The following PDE4B variants were observed in gnomAD, a reference collection of about 807,000 sequenced individuals.
The protein encoded by PDE4B is 3',5'-cyclic-AMP phosphodiesterase 4B.
Under a neutral mutation model 82.2 loss-of-function variants are expected in PDE4B, and 20 were observed. The ratio of observed to expected loss-of-function variants is 0.24; its 90% CI spans 0.17 to 0.35. The LOEUF (loss-of-function observed/expected upper bound fraction) is 0.35, where lower values mean the gene tolerates loss of function less well. Among genes scored for constraint, PDE4B ranks in the 10% least tolerant of loss-of-function variants. The pLI is 1.00. For synonymous variants in PDE4B, 320 were observed against 318.9 expected, an observed-to-expected ratio of 1.00 and a Z score of -0.04; for missense variants, 655 against 907.2, an observed-to-expected ratio of 0.72 and a Z score of 3.57.
chr1:66,283,527 C>G (rs913924233), intron 7 of PDE4B, among the ~76,000 whole-genome samples: 6 of 150,248 alleles, frequency 4.0e-5, no homozygotes, highest in Middle Eastern at 6.8e-3. Context: ...GCAAAGCCCT[C>G]TGATGGATCC....
intron 7 of PDE4B, among the ~76,000 whole-genome samples, chr1:66,299,935 G>A (rs1249918319): frequency 6.6e-6 from 1 of 151,952 alleles, no homozygotes; most frequent in Non-Finnish European, 1.5e-5. Flanking sequence ...TTTCATTATA[G>A]AATGTAAATA....
chr1:66,149,075 T>C (rs992048397), intron 3 of PDE4B, among the ~76,000 whole-genome samples: 2 of 152,210 alleles, frequency 1.3e-5, no homozygotes, highest in African/African-American at 4.8e-5. Context: ...AGGTGTACCG[T>C]TTTTCAATCC....
intron 1 of PDE4B, among the ~76,000 whole-genome samples, chr1:65,850,392 G>A (rs1303252357): frequency 2.6e-5 from 4 of 152,016 alleles, no homozygotes; most frequent in African/African-American, 7.2e-5. Context: ...CACTGTGCCC[G>A]GCCTGCTCTG....
At chr1:66,064,973 G>A (rs773676108) in intron 3 of PDE4B, among the ~76,000 whole-genome samples, 5 of 151,494 alleles carry the variant, frequency 3.3e-5, no homozygotes, top group East Asian at 1.9e-4. Context: ...TAAAAATTTC[G>A]TTACTTTTAA....
chr1:65,819,775 G>A (rs72933404), intron 1 of PDE4B, among the ~76,000 whole-genome samples: 2,496 of 152,056 alleles, frequency 0.016, 67 homozygotes, highest in African/African-American at 0.057. Flanking sequence ...CTGAGTCACC[G>A]CGCCTGGCAT....
intron 1 of PDE4B, among the ~76,000 whole-genome samples, chr1:65,892,704 A>T (rs559007486): frequency 6.6e-6 from 1 of 152,022 alleles, no homozygotes; most frequent in South Asian, 2.1e-4. Flanking sequence ...CCTGTACATC[A>T]GCTCTTTCTT....
intron 3 of PDE4B, among the ~76,000 whole-genome samples, chr1:66,096,274 C>T (rs912750543): frequency 6.6e-6 from 1 of 151,376 alleles, no homozygotes; most frequent in Non-Finnish European, 1.5e-5. Flanking sequence ...CAGTTTTTAA[C>T]TTTCTGTTCC....
At chr1:66,264,540 C>T (rs1654898591) in intron 6 of PDE4B, among the ~76,000 whole-genome samples, 1 of 152,192 alleles carries the variant, frequency 6.6e-6, no homozygotes, top group Non-Finnish European at 1.5e-5. Context: ...AAAGCAATCA[C>T]TATATGATAA....
At chr1:66,350,811 T>G (rs1302783736) in intron 8 of PDE4B, among the ~76,000 whole-genome samples, 1 of 152,166 alleles carries the variant, frequency 6.6e-6, no homozygotes, top group Non-Finnish European at 1.5e-5. Flanking sequence ...TCCTATCACT[T>G]CAGAAGAAAC....
At chr1:65,860,292 G>A (rs1203392110) in intron 1 of PDE4B, among the ~76,000 whole-genome samples, 1 of 152,200 alleles carries the variant, frequency 6.6e-6, no homozygotes, top group Non-Finnish European at 1.5e-5. Context: ...GTGAGAACAT[G>A]CAGTGTTTAG....
intron 3 of PDE4B, among the ~76,000 whole-genome samples, chr1:66,107,202 A>G (rs3003666): frequency 0.49 from 74,214 of 150,990 alleles, 18,692 homozygotes; most frequent in East Asian, 0.67. Flanking sequence ...TGTACCCAGT[A>G]GTCATTCAGG....
At chr1:66,344,104 G>A (rs1661219709) in intron 8 of PDE4B, among the ~76,000 whole-genome samples, 1 of 152,186 alleles carries the variant, frequency 6.6e-6, no homozygotes, top group Non-Finnish European at 1.5e-5. Context: ...CCCAATGCCT[G>A]TAGCCTTGTC....
chr1:66,346,553 G>C (rs375561905), intron 8 of PDE4B, among the ~76,000 whole-genome samples: 16 of 152,272 alleles, frequency 1.1e-4, no homozygotes, highest in African/African-American at 3.6e-4. Flanking sequence ...CCTTAGACTG[G>C]TGAATAATCT....
At chr1:65,807,847 G>A (rs1645774475) in intron 1 of PDE4B, among the ~76,000 whole-genome samples, 1 of 152,144 alleles carries the variant, frequency 6.6e-6, no homozygotes, top group Non-Finnish European at 1.5e-5. Flanking sequence ...GTCAGTAGAA[G>A]GTATCTGTCA....
chr1:66,158,821 A>G (rs1360487709), intron 3 of PDE4B, among the ~76,000 whole-genome samples: 2 of 152,154 alleles, frequency 1.3e-5, no homozygotes, highest in Admixed American at 1.3e-4. Flanking sequence ...ACATTATGTT[A>G]AGTGAAATAA....
At chr1:66,368,641 A>T (rs1465269588) in intron 15 of PDE4B, 146 bp from the exon 16 acceptor site, 2 of 504,950 alleles carry the variant, frequency 4.0e-6, no homozygotes, top group East Asian at 6.9e-5. Flanking sequence ...TTGTAATTCC[A>T]TTTTTTTTCG....
chr1:66,261,195 A>G (rs1557665294), intron 6 of PDE4B, among the ~76,000 whole-genome samples: 1 of 152,198 alleles, frequency 6.6e-6, no homozygotes. Flanking sequence ...GCAGTCTGGC[A>G]GGGGCAGGCT....
At chr1:66,286,430 G>A (rs1462413195) in intron 7 of PDE4B, among the ~76,000 whole-genome samples, 1 of 152,076 alleles carries the variant, frequency 6.6e-6, no homozygotes, top group African/African-American at 2.4e-5. Flanking sequence ...ATTTAATGGG[G>A]TTTTTCCTGC....
intron 3 of PDE4B, among the ~76,000 whole-genome samples, chr1:65,998,250 G>A (rs149401162): frequency 6.6e-6 from 1 of 152,270 alleles, no homozygotes; most frequent in East Asian, 1.9e-4. Context: ...GCTGAGTTGG[G>A]ATTTGACTCT....
Sources: allele counts gnomAD v4.1 joint callset (sites outside exome capture counted in the v4.1 genomes callset), GRCh38; gene constraint gnomAD v4.1.1; transcripts MANE v1.5; gene names NCBI Gene and HGNC (gene_info 2026-07-23, HGNC 2026-07-21).